Variants in CSMD1 observed in about 807,000 individuals in gnomAD.
CSMD1 encodes the protein CUB and Sushi multiple domains 1.
A neutral mutation model predicts 417.5 loss-of-function variants in CSMD1; 213 were observed. The ratio of observed to expected loss-of-function variants is 0.51; its 90% CI spans 0.46 to 0.57. CSMD1 has a LOEUF of 0.57. Among genes scored for constraint, CSMD1 ranks in the 20% least tolerant of loss-of-function variants. CSMD1 has a pLI of 0.00. For missense variants in CSMD1, 6,923 were observed against 4,529.7 expected (o/e 1.53, Z -15.17); for synonymous variants, 2,862 against 1,736.8 (o/e 1.65, Z -16.11).
intron 3 of CSMD1, among the ~76,000 whole-genome samples, chr8:4,109,254 T>C (rs866550332): frequency 2.6e-5 from 4 of 152,170 alleles, no homozygotes; most frequent in African/African-American, 7.2e-5. Context: ...CTGAATGTTT[T>C]TGACCCTTGG....
At chr8:4,860,754 G>A (rs148487487) in intron 1 of CSMD1, among the ~76,000 whole-genome samples, 7 of 152,232 alleles carry the variant, frequency 4.6e-5, no homozygotes, top group African/African-American at 1.2e-4. Flanking sequence ...ATGGGCATAC[G>A]TTCCTGGTAA....
intron 2 of CSMD1, among the ~76,000 whole-genome samples, chr8:4,512,469 G>A (rs1802875203): frequency 6.6e-6 from 1 of 151,496 alleles, no homozygotes; most frequent in African/African-American, 2.4e-5. Flanking sequence ...TACAGATAGA[G>A]AAGGAAGAAA....
chr8:3,643,379 C>A (rs1337956103), intron 7 of CSMD1, among the ~76,000 whole-genome samples: 2 of 152,116 alleles, frequency 1.3e-5, no homozygotes, highest in African/African-American at 4.8e-5. Context: ...TGATGACAGA[C>A]CTCCAGAGTC....
intron 5 of CSMD1, among the ~76,000 whole-genome samples, chr8:3,907,306 T>G (rs1430215231): frequency 2.0e-5 from 3 of 152,196 alleles, no homozygotes; most frequent in African/African-American, 7.2e-5. Context: ...GACATTAACG[T>G]GGATGGTACA....
At chr8:3,174,183 C>A (rs1484101128) in intron 37 of CSMD1, among the ~76,000 whole-genome samples, 1 of 152,112 alleles carries the variant, frequency 6.6e-6, no homozygotes. Flanking sequence ...ATATTATGTT[C>A]CCAAAATTAT....
chr8:4,758,267 T>C (rs1406371024), intron 1 of CSMD1, among the ~76,000 whole-genome samples: 1 of 152,212 alleles, frequency 6.6e-6, no homozygotes, highest in Non-Finnish European at 1.5e-5. Context: ...GAAGGATTTA[T>C]ATTTCAGCTG....
In CSMD1 at chr8:3,732,182, G is replaced by T. The variant is rs955454257; in HGVS notation, c.931+21748C>A. Among the ~76,000 whole-genome samples the T allele has an allele frequency of 4.6e-5, 7 of 152,176 alleles. 1 individual carries two copies. The highest frequency in any genetic ancestry group is 8.8e-5 in the Non-Finnish European group (6 of 68,040). On this transcript the variant is annotated intron_variant, in intron 6 of 69. Coordinates refer to ENST00000635120, the MANE Select transcript of CSMD1 (RefSeq NM_033225.6). ...TCAGGTCACTCGTGGTGGTTGCCTT[G>T]GGAACAGAGTCTTTCCGAGAGGACT...
chr8:3,618,120 G>A (rs1485930696), intron 7 of CSMD1, among the ~76,000 whole-genome samples: 1 of 151,998 alleles, frequency 6.6e-6, no homozygotes, highest in African/African-American at 2.4e-5. Flanking sequence ...TCCCGTCTCA[G>A]CCTCCCTAAT....
At chr8:3,318,909 C>G (rs1030469455) in intron 23 of CSMD1, among the ~76,000 whole-genome samples, 4 of 152,126 alleles carry the variant, frequency 2.6e-5, no homozygotes, top group Admixed American at 1.3e-4. Context: ...TGCTTGATGG[C>G]AGGTGCTGCT....
At chr8:4,858,496 G>T (rs1338134784) in intron 1 of CSMD1, among the ~76,000 whole-genome samples, 1 of 151,536 alleles carries the variant, frequency 6.6e-6, no homozygotes, top group African/African-American at 2.4e-5. Context: ...CAGACGACAT[G>T]ATTGTATATC....
At chr8:3,372,024 A>G (rs1468113284) in intron 18 of CSMD1, among the ~76,000 whole-genome samples, 2 of 152,248 alleles carry the variant, frequency 1.3e-5, no homozygotes, top group African/African-American at 4.8e-5. Context: ...TATGAATTCC[A>G]GTTGGAAAAG....
rs375511102 is a variant in CSMD1, at chr8:3,387,513, G to C, written c.2763C>G (p.His921Gln). ...LVCERNHQWNHALPSCDALCG... is the reference protein window; with the variant it reads ...LVCERNHQWNQALPSCDALCG... ...ACCTACCGTCGCAGCTGGGCAAGGCGTGGTTCCACTGGTGGTTCCTCTCAC... is the reference window on the plus strand; with the variant it reads ...ACCTACCGTCGCAGCTGGGCAAGGCCTGGTTCCACTGGTGGTTCCTCTCAC... Residue 921 changes from histidine to glutamine, a missense_variant, in exon 18 of 70, where the codon CAC becomes CAG. Transcript: ENST00000635120. 6.2e-7 allele frequency: 1 copy of C among 1,601,470 alleles called. No homozygotes were observed. The highest frequency in any genetic ancestry group is 1.1e-5 in the South Asian group (1 of 88,456).
intron 1 of CSMD1, among the ~76,000 whole-genome samples, chr8:4,824,374 A>G (rs1799692870): frequency 6.6e-6 from 1 of 152,142 alleles, no homozygotes; most frequent in Non-Finnish European, 1.5e-5. Flanking sequence ...GCAGAGTTTT[A>G]ATTTAATGTG....
chr8:4,228,507 C>T (rs77885663), intron 3 of CSMD1, among the ~76,000 whole-genome samples: 4,425 of 151,988 alleles, frequency 0.029, 207 homozygotes, highest in African/African-American at 0.1. Context: ...CTCTGGTCTT[C>T]CAGTCAACCC....
intron 5 of CSMD1, among the ~76,000 whole-genome samples, chr8:3,875,437 T>G (rs1156501417): frequency 2.0e-5 from 3 of 150,136 alleles, no homozygotes; most frequent in Non-Finnish European, 3.0e-5. Context: ...CAGGAGGGAG[T>G]GAGATGATGT....
At chr8:4,838,309 C>T (rs77456748) in intron 1 of CSMD1, among the ~76,000 whole-genome samples, 4,921 of 152,158 alleles carry the variant, frequency 0.032, 271 homozygotes, top group African/African-American at 0.11. Flanking sequence ...CTAACGTAAG[C>T]GTTCATGGAA....
chr8:4,911,726 G>C (rs929005824), intron 1 of CSMD1, among the ~76,000 whole-genome samples: 2 of 152,026 alleles, frequency 1.3e-5, no homozygotes, highest in Non-Finnish European at 2.9e-5. Flanking sequence ...ATCAACTCTA[G>C]CAAGGGACTG....
chr8:3,828,673 C>T (rs1434371327), intron 5 of CSMD1, among the ~76,000 whole-genome samples: 9 of 152,142 alleles, frequency 5.9e-5, no homozygotes, highest in South Asian at 2.1e-4. Context: ...CATCTTTCTA[C>T]GGACCTCTTT....
intron 25 of CSMD1, among the ~76,000 whole-genome samples, chr8:3,304,896 C>A (rs1435003388): frequency 6.6e-6 from 1 of 152,002 alleles, no homozygotes; most frequent in Non-Finnish European, 1.5e-5. Context: ...TGAAATTCTT[C>A]TAAAAGAAGA....
Sources: allele counts gnomAD v4.1 joint callset (sites outside exome capture counted in the v4.1 genomes callset), GRCh38; gene constraint gnomAD v4.1.1; transcripts MANE v1.5; gene names NCBI Gene and HGNC (gene_info 2026-07-23, HGNC 2026-07-21).